Variants in CTNNA1 observed in about 807,000 individuals in gnomAD.
The protein encoded by CTNNA1 is catenin alpha 1.
Under a neutral mutation model 98.4 loss-of-function variants are expected in CTNNA1, and 37 were observed. The observed-to-expected ratio is 0.38, with a 90% CI of 0.29 to 0.49. CTNNA1 has a LOEUF of 0.49. Ranked by LOEUF, CTNNA1 falls within the 20% of genes least tolerant of loss-of-function variation. CTNNA1 has a pLI of 0.95. For synonymous variants in CTNNA1, 404 were observed against 413.2 expected (o/e 0.98, Z 0.27); for missense variants, 761 against 1,147.2 (o/e 0.66, Z 4.86).
chr5:138,893,016 A>AAAAT (rs147686745), intron 9 of CTNNA1, among the ~76,000 whole-genome samples: 260 of 152,228 alleles, frequency 1.7e-3, no homozygotes, highest in East Asian at 7.9e-3. Flanking sequence ...ACTCCGTCTC[A>AAAAT]AAATAAATAA....
At chr5:138,776,823 G>C (rs1431563546) in intron 1 of CTNNA1, among the ~76,000 whole-genome samples, 1 of 133,528 alleles carries the variant, frequency 7.5e-6, no homozygotes, top group African/African-American at 3.0e-5. Flanking sequence ...CCTCCCTCCC[G>C]GACGGGGCGG....
intron 10 of CTNNA1, among the ~76,000 whole-genome samples, chr5:138,914,963 C>T (rs547376451): frequency 8.9e-4 from 136 of 152,082 alleles, no homozygotes; most frequent in African/African-American, 3.2e-3. Context: ...CTGGCTAACA[C>T]GATAAAACCC....
intron 5 of CTNNA1, among the ~76,000 whole-genome samples, chr5:138,823,146 T>A (rs1760205780): frequency 6.6e-6 from 1 of 152,262 alleles, no homozygotes; most frequent in Admixed American, 6.5e-5. Context: ...ATTCTTCTTC[T>A]GTGGTGGTGA....
chr5:138,893,016 A>T (rs1561670203), intron 9 of CTNNA1, among the ~76,000 whole-genome samples: 2 of 152,112 alleles, frequency 1.3e-5, no homozygotes, highest in East Asian at 3.9e-4. Context: ...ACTCCGTCTC[A>T]AAATAAATAA....
rs751135821 is a variant in CTNNA1 at position 138,873,684 on chromosome 5, C to G, written c.1063-12528C>G. 6.2e-7 allele frequency: 1 copy of G among 1,613,998 alleles called. No homozygotes were observed. Among genetic ancestry groups the G allele is most frequent in the Non-Finnish European group, 8.5e-7 (1 of 1,179,894 alleles). ...CTCAGGGAGTTTAAGATCTTGGAAT[C>G]AAGGCTGTTTAACTTGTTGTTATCC... is the stretch of plus-strand genomic sequence containing the variant. On this transcript the variant is annotated intron_variant, in intron 7 of 17. Coordinates refer to ENST00000302763, the MANE Select transcript of CTNNA1 (RefSeq NM_001903.5). This position sits in a 1 kb window ranked among gnomAD's most constrained non-coding sequence, Gnocchi z 6.1.
chr5:138,777,875 G>T (rs1233768964), intron 1 of CTNNA1, among the ~76,000 whole-genome samples: 2 of 108,456 alleles, frequency 1.8e-5, no homozygotes, highest in Admixed American at 9.5e-5. Flanking sequence ...AGACCGTGGG[G>T]AGAGGGAGAG....
chr5:138,834,089 G>A (rs1200216113), intron 7 of CTNNA1, among the ~76,000 whole-genome samples: 2 of 152,162 alleles, frequency 1.3e-5, no homozygotes, highest in Non-Finnish European at 2.9e-5. Context: ...TTATTATAGT[G>A]AAGTGAAGCA....
intron 10 of CTNNA1, among the ~76,000 whole-genome samples, chr5:138,913,726 A>C (rs892084295): frequency 6.6e-6 from 1 of 152,114 alleles, no homozygotes; most frequent in African/African-American, 2.4e-5. Context: ...AGTCCATTAT[A>C]TTATTATTTA....
At position 138,783,235 on chromosome 5, in the gene CTNNA1, C is replaced by T. The variant is rs756329640; in HGVS notation, c.164C>T (p.Ser55Phe). 1 of 1,614,052 alleles carries T rather than the reference C, an allele frequency of 6.2e-7. No homozygotes were observed. Reference protein sequence around the residue: ...KGPSNKKRGRSKKAHVLAASV... With the variant: ...KGPSNKKRGRFKKAHVLAASV... ...CCCTCTAATAAGAAGAGAGGTCGTT[C>T]TAAGAAGGCCCATGTTTTGGCTGCA... Residue 55 changes from serine (S) to phenylalanine (F), a missense_variant, in exon 3 of 18, where the codon TCT becomes TTT. This residue lies in a region of CTNNA1 where 328 missense variants were observed against 354.3 expected (regional missense o/e 0.93). Transcript: ENST00000302763.
chr5:138,801,193 G>A (rs1757539057), intron 3 of CTNNA1, among the ~76,000 whole-genome samples: 1 of 152,142 alleles, frequency 6.6e-6, no homozygotes, highest in Non-Finnish European at 1.5e-5. Context: ...AATTATTACA[G>A]TAGTACAGTG....
intron 6 of CTNNA1, among the ~76,000 whole-genome samples, chr5:138,826,620 T>C (rs1760744801): frequency 6.6e-6 from 1 of 152,308 alleles, no homozygotes; most frequent in African/African-American, 2.4e-5. Flanking sequence ...TCTTACAGAA[T>C]ACTAGAGGTC....
intron 17 of CTNNA1, 84 bp downstream of exon 17, chr5:138,932,796 A>G: frequency 6.6e-7 from 1 of 1,523,558 alleles, no homozygotes; most frequent in Non-Finnish European, 9.1e-7. Context: ...ATCCGCATAA[A>G]CACCTGCCCT....
chr5:138,903,303 T>C (rs1758494154), intron 9 of CTNNA1, among the ~76,000 whole-genome samples: 1 of 152,156 alleles, frequency 6.6e-6, no homozygotes, highest in African/African-American at 2.4e-5. Context: ...TTTATGTGCT[T>C]AAGTTGGGCG....
At chr5:138,812,954 T>G (rs925991805) in intron 5 of CTNNA1, among the ~76,000 whole-genome samples, 1 of 152,264 alleles carries the variant, frequency 6.6e-6, no homozygotes, top group Non-Finnish European at 1.5e-5. Flanking sequence ...ATAGTCCTGA[T>G]CAAGCTTACG....
chr5:138,780,986 C>T (rs939077558), intron 1 of CTNNA1, among the ~76,000 whole-genome samples: 1 of 152,172 alleles, frequency 6.6e-6, no homozygotes, highest in East Asian at 1.9e-4. Context: ...ATTCTTAAAG[C>T]CGCTGTCTGA....
chr5:138,761,712 C>G (rs946911657), intron 1 of CTNNA1, among the ~76,000 whole-genome samples: 5 of 151,966 alleles, frequency 3.3e-5, no homozygotes, highest in Non-Finnish European at 7.4e-5. Flanking sequence ...CCTTCTCTGC[C>G]CAAATCATTT....
At chr5:138,872,276 A>T (rs1750739805) in intron 7 of CTNNA1, 1 of 152,648 alleles carries the variant, frequency 6.6e-6, no homozygotes, top group African/African-American at 2.4e-5. Context: ...CAAACGAGAA[A>T]TGTATAAGAA....
chr5:138,929,634 A>G (rs1764881281), intron 14 of CTNNA1, among the ~76,000 whole-genome samples: 1 of 152,114 alleles, frequency 6.6e-6, no homozygotes, highest in Non-Finnish European at 1.5e-5. Context: ...TAGTCAATGC[A>G]GTGTTTGTTG....
chr5:138,880,028 A>G (rs540967013), intron 7 of CTNNA1, among the ~76,000 whole-genome samples: 7 of 152,340 alleles, frequency 4.6e-5, no homozygotes, highest in Middle Eastern at 3.4e-3. Context: ...TCTTGGAGCA[A>G]TGCGTCTAAG....
Sources: allele counts gnomAD v4.1 joint callset (sites outside exome capture counted in the v4.1 genomes callset), GRCh38; gene constraint gnomAD v4.1.1; regional missense constraint gnomAD v4.1.1; non-coding constraint Gnocchi (gnomAD v3.1); transcripts MANE v1.5; gene names NCBI Gene and HGNC (gene_info 2026-07-23, HGNC 2026-07-21).